The following COL19A1 variants were observed in gnomAD, a reference collection of about 807,000 sequenced individuals.
The protein encoded by COL19A1 is collagen alpha-1(XIX) chain.
COL19A1 carries 159 observed loss-of-function variants against 190.2 expected under a neutral mutation model. The observed-to-expected ratio is 0.84, with a 90% CI of 0.73 to 0.95. The LOEUF is 0.95. COL19A1 is among the 40% of genes least tolerant of loss of function. The pLI is 0.00. For missense variants in COL19A1, 1,418 were observed against 1,431.9 expected, an observed-to-expected ratio of 0.99 and a Z score of 0.16; for synonymous variants, 509 against 458.9, an observed-to-expected ratio of 1.11 and a Z score of -1.39.
At chr6:70,104,256 T>A (rs1783815176) in intron 16 of COL19A1, among the ~76,000 whole-genome samples, 1 of 152,112 alleles carries the variant, frequency 6.6e-6, no homozygotes, top group African/African-American at 2.4e-5. Flanking sequence ...GGGTAACTTA[T>A]AAAGAAAAGA....
intron 17 of COL19A1, among the ~76,000 whole-genome samples, chr6:70,122,798 T>G (rs1331293374): frequency 6.6e-6 from 1 of 152,154 alleles, no homozygotes; most frequent in Non-Finnish European, 1.5e-5. Context: ...TCAAAAAAAT[T>G]TGTTAAATGA....
chr6:69,887,763 G>A (rs7770597), intron 2 of COL19A1, among the ~76,000 whole-genome samples: 17,934 of 152,156 alleles, frequency 0.12, 1,199 homozygotes, highest in Middle Eastern at 0.3. Flanking sequence ...TTTATTGGGT[G>A]AAAAGGAAGG....
intron 16 of COL19A1, among the ~76,000 whole-genome samples, chr6:70,111,112 T>G (rs3828770): frequency 0.18 from 27,814 of 152,192 alleles, 2,732 homozygotes; most frequent in Non-Finnish European, 0.22. Context: ...ATGATATAGT[T>G]TCCAAGAGGA....
At chr6:70,019,093 G>A (rs1194082564) in intron 11 of COL19A1, among the ~76,000 whole-genome samples, 2 of 152,126 alleles carry the variant, frequency 1.3e-5, no homozygotes, top group African/African-American at 4.8e-5. Flanking sequence ...GGGGCATATG[G>A]TAGAAGATGA....
intron 16 of COL19A1, among the ~76,000 whole-genome samples, chr6:70,112,253 C>G (rs780572600): frequency 1.3e-5 from 2 of 152,088 alleles, no homozygotes; most frequent in East Asian, 1.9e-4. Context: ...CCACTGGATA[C>G]AAATAATTTG....
chr6:69,867,292 C>G (rs1393255002), intron 1 of COL19A1: 1 of 152,588 alleles, frequency 6.6e-6, no homozygotes. Flanking sequence ...AGCCCCACCA[C>G]GTTCCGGAGC....
intron 15 of COL19A1, among the ~76,000 whole-genome samples, chr6:70,083,302 A>G (rs956711421): frequency 6.6e-6 from 1 of 152,220 alleles, no homozygotes; most frequent in African/African-American, 2.4e-5. Context: ...TGTGCCTTAT[A>G]CACACTTTAA....
intron 11 of COL19A1, among the ~76,000 whole-genome samples, chr6:69,989,952 G>A (rs1398670972): frequency 2.0e-5 from 3 of 152,076 alleles, no homozygotes; most frequent in African/African-American, 7.2e-5. Context: ...AATTGTGAAT[G>A]AGTAATTTTT....
intron 9 of COL19A1, among the ~76,000 whole-genome samples, chr6:69,942,911 A>C (rs1773566336): frequency 6.6e-6 from 1 of 152,096 alleles, no homozygotes; most frequent in South Asian, 2.1e-4. Flanking sequence ...CTTTGGATAC[A>C]TATCCCCAGT....
intron 16 of COL19A1, among the ~76,000 whole-genome samples, chr6:70,102,783 T>C (rs1373252755): frequency 6.6e-6 from 1 of 152,198 alleles, no homozygotes; most frequent in African/African-American, 2.4e-5. Context: ...TATGAGAGTC[T>C]GGTTTGTGTC....
rs573166854 is a variant in COL19A1, at chr6:70,146,347, A to T, written c.1771-312A>T. On this transcript the variant is annotated intron_variant, in intron 25 of 50. Coordinates refer to ENST00000620364, the MANE Select transcript of COL19A1 (RefSeq NM_001858.6). ...AAAACTGGACTGCCGGAAAATCTAA[A>T]TAACCAATGTTTTTAAAATATGTTT... Among the ~76,000 whole-genome samples the T allele has an allele frequency of 4.0e-3, 611 of 152,282 alleles. 1 individual carries two copies. The highest frequency in any genetic ancestry group is 6.3e-3 in the Admixed American group (97 of 15,294).
intron 7 of COL19A1, among the ~76,000 whole-genome samples, chr6:69,936,194 C>T (rs1054624774): frequency 7.2e-5 from 11 of 152,078 alleles, no homozygotes; most frequent in African/African-American, 2.7e-4. Flanking sequence ...GTCCAGCATG[C>T]TCTGAACCCA....
chr6:70,059,166 A>T (rs1780679228), intron 14 of COL19A1, among the ~76,000 whole-genome samples: 1 of 152,168 alleles, frequency 6.6e-6, no homozygotes, highest in South Asian at 2.1e-4. Context: ...TATGAAGCAT[A>T]TTCTAAAGCA....
chr6:70,129,849 C>T (rs953034392), intron 17 of COL19A1, among the ~76,000 whole-genome samples: 1 of 152,274 alleles, frequency 6.6e-6, no homozygotes, highest in Middle Eastern at 3.4e-3. Context: ...ATCAGAGATG[C>T]TCAGATACAT....
intron 15 of COL19A1, among the ~76,000 whole-genome samples, chr6:70,096,747 A>G (rs929656244): frequency 4.6e-5 from 7 of 152,168 alleles, no homozygotes; most frequent in Non-Finnish European, 1.0e-4. Context: ...ATATGAAATA[A>G]CAGCTTTAGT....
rs764489674 is a variant in COL19A1, at chr6:70,188,195, T to A, written c.2977T>A (p.Ser993Thr). The change falls in exon 47 of 51, where the codon TCC becomes ACC. Residue 993 changes from serine (S) to threonine (T), a missense_variant. Transcript: ENST00000620364. ...GPPGNKGSMG[S>T]PGHQGPPGSP... ...ACCAGGAAACAAGGGCTCCATGGGATCCCCTGGCCACCAAGGCCCTCCAGG... is the reference window on the plus strand; with the variant it reads ...ACCAGGAAACAAGGGCTCCATGGGAACCCCTGGCCACCAAGGCCCTCCAGG... The A allele has an allele frequency of 3.7e-6, 6 of 1,613,098 alleles. No homozygotes were observed. The highest frequency in any genetic ancestry group is 5.1e-6 in the Non-Finnish European group (6 of 1,179,594).
intron 1 of COL19A1, among the ~76,000 whole-genome samples, chr6:69,871,175 A>G (rs1222585618): frequency 6.6e-6 from 1 of 152,178 alleles, no homozygotes; most frequent in Non-Finnish European, 1.5e-5. Flanking sequence ...ATTGGCTTGA[A>G]TTTTTTACTC....
At chr6:70,128,960 G>A (rs1224226343) in intron 17 of COL19A1, among the ~76,000 whole-genome samples, 1 of 152,210 alleles carries the variant, frequency 6.6e-6, no homozygotes, top group Non-Finnish European at 1.5e-5. Flanking sequence ...ATGGCTCCCA[G>A]ATCCTTGAGA....
Position 70,065,097 on chromosome 6 carries a change from G to GA in COL19A1, c.1171-3320dup, listed in dbSNP as rs1332000105. On this transcript the variant is annotated intron_variant, in intron 14 of 50. Coordinates refer to ENST00000620364, the MANE Select transcript of COL19A1 (RefSeq NM_001858.6). ...ACCAATGAGTTTCTTCACAGAATTG[G>GA]AAAAAACTACTTTAAAGTTCGTATG... is the stretch of plus-strand genomic sequence containing the variant. Among the ~76,000 whole-genome samples the GA allele has an allele frequency of 2.0e-5, 3 of 152,020 alleles. No homozygotes were observed. The East Asian group carries it at 5.8e-4, about 29-fold the overall frequency.
Sources: allele counts gnomAD v4.1 joint callset (sites outside exome capture counted in the v4.1 genomes callset), GRCh38; gene constraint gnomAD v4.1.1; transcripts MANE v1.5; gene names NCBI Gene and HGNC (gene_info 2026-07-23, HGNC 2026-07-21).